The following DCC variants were observed in gnomAD, a reference collection of about 807,000 sequenced individuals.
DCC encodes the protein DCC netrin 1 receptor.
Under a neutral mutation model 172.5 loss-of-function variants are expected in DCC, and 58 were observed. That is an observed-to-expected ratio of 0.34 (90% confidence interval 0.27 to 0.42). The LOEUF is 0.42. Ranked by LOEUF, DCC falls within the 10% of genes least tolerant of loss-of-function variation. The probability of loss-of-function intolerance (pLI) is 1.00; values close to 1 mark genes in which losing one functional copy is unlikely to be tolerated. For synonymous variants in DCC, 709 were observed against 644.5 expected (o/e 1.10, Z -1.52); for missense variants, 1,740 against 1,791.0 (o/e 0.97, Z 0.51).
chr18:52,460,847 TTGCTC>T (rs1362661265), intron 1 of DCC, among the ~76,000 whole-genome samples: 1 of 152,134 alleles, frequency 6.6e-6, no homozygotes, highest in Non-Finnish European at 1.5e-5. Context: ...GGACTGGAAA[TTGCTC>T]TGGGTGAGTC....
chr18:52,370,660 C>A (rs1446298868), intron 1 of DCC, among the ~76,000 whole-genome samples: 2 of 152,078 alleles, frequency 1.3e-5, no homozygotes, highest in Non-Finnish European at 2.9e-5. Flanking sequence ...ACCACCACGA[C>A]ACACATTTAC....
At chr18:52,850,377 C>T (rs1238906046) in intron 2 of DCC, among the ~76,000 whole-genome samples, 1 of 152,106 alleles carries the variant, frequency 6.6e-6, no homozygotes, top group Non-Finnish European at 1.5e-5. Flanking sequence ...GCATTGAAGT[C>T]TCTCCCCCAA....
At chr18:53,492,947 C>G (rs542554696) in intron 26 of DCC, among the ~76,000 whole-genome samples, 4 of 152,284 alleles carry the variant, frequency 2.6e-5, no homozygotes, top group East Asian at 1.9e-4. Context: ...TTCTTCCTAT[C>G]TATGAGCATG....
At chr18:52,931,488 C>A (rs1285373485) in intron 5 of DCC, among the ~76,000 whole-genome samples, 2 of 152,022 alleles carry the variant, frequency 1.3e-5, no homozygotes, top group Non-Finnish European at 2.9e-5. Context: ...TGAATGTGAA[C>A]CTTCATGAAC....
intron 2 of DCC, among the ~76,000 whole-genome samples, chr18:52,781,224 C>A (rs1167182553): frequency 2.6e-5 from 4 of 152,048 alleles, no homozygotes; most frequent in Non-Finnish European, 1.5e-5. Flanking sequence ...ATTCCTTCCC[C>A]GCAACCCCTG....
chr18:52,659,063 C>T (rs1249646949), intron 1 of DCC, among the ~76,000 whole-genome samples: 1 of 152,022 alleles, frequency 6.6e-6, no homozygotes, highest in African/African-American at 2.4e-5. Context: ...GGCAACCATC[C>T]ACTTTTGATA....
chr18:52,460,257 C>T (rs1233137852), intron 1 of DCC, among the ~76,000 whole-genome samples: 1 of 152,046 alleles, frequency 6.6e-6, no homozygotes, highest in Non-Finnish European at 1.5e-5. Context: ...AGGCTTTGCC[C>T]CTTTCTCTGC....
chr18:52,778,408 T>C (rs748886635), intron 2 of DCC, among the ~76,000 whole-genome samples: 1 of 152,186 alleles, frequency 6.6e-6, no homozygotes, highest in African/African-American at 2.4e-5. Context: ...TATTTCACTA[T>C]TAAACTCTGT....
At chr18:52,655,210 G>A (rs2035222554) in intron 1 of DCC, among the ~76,000 whole-genome samples, 1 of 152,098 alleles carries the variant, frequency 6.6e-6, no homozygotes, top group African/African-American at 2.4e-5. Context: ...TGTTGTTGAT[G>A]AACAACGCAG....
At chr18:53,501,638 T>TTATGCTGTTAA (rs1295822041) in intron 27 of DCC, among the ~76,000 whole-genome samples, 1 of 152,148 alleles carries the variant, frequency 6.6e-6, no homozygotes, top group Non-Finnish European at 1.5e-5. Context: ...TTGCAGCAGT[T>TTATGCTGTTAA]TATGCTGTTA....
chr18:53,456,098 G>A (rs964772878), intron 23 of DCC, among the ~76,000 whole-genome samples: 13 of 152,160 alleles, frequency 8.5e-5, no homozygotes, highest in Non-Finnish European at 1.5e-4. Flanking sequence ...CAAGGTGAGT[G>A]GTACAGAGAG....
intron 1 of DCC, among the ~76,000 whole-genome samples, chr18:52,715,239 C>T (rs1394378533): frequency 6.7e-6 from 1 of 150,350 alleles, no homozygotes; most frequent in Admixed American, 6.6e-5. Flanking sequence ...TATATATCTG[C>T]TATCAGCAAA....
chr18:53,520,202 G>A (rs898380735), intron 27 of DCC, among the ~76,000 whole-genome samples: 10 of 152,182 alleles, frequency 6.6e-5, no homozygotes, highest in East Asian at 3.9e-4. Flanking sequence ...GGAACAGATC[G>A]GGGTTAGGAC....
chr18:52,616,604 C>T (rs1017915076), intron 1 of DCC, among the ~76,000 whole-genome samples: 3 of 152,028 alleles, frequency 2.0e-5, no homozygotes, highest in Admixed American at 1.3e-4. Context: ...TATCAATGAA[C>T]AAGTATTTAG....
chr18:53,311,419 G>T (rs1049829790), intron 13 of DCC, among the ~76,000 whole-genome samples: 1 of 152,042 alleles, frequency 6.6e-6, no homozygotes, highest in South Asian at 2.1e-4. Context: ...CACCGCACCC[G>T]GCCATACTGC....
At chr18:53,417,619 T>C (rs1910394878) in intron 21 of DCC, among the ~76,000 whole-genome samples, 1 of 152,100 alleles carries the variant, frequency 6.6e-6, no homozygotes, top group African/African-American at 2.4e-5. Context: ...CTTAAATAAA[T>C]TTGAAGCTTC....
intron 11 of DCC, among the ~76,000 whole-genome samples, chr18:53,212,975 C>T (rs1442487968): frequency 6.6e-6 from 1 of 151,980 alleles, no homozygotes; most frequent in Non-Finnish European, 1.5e-5. Context: ...CCCAGCCTGC[C>T]TTTCAATTCT....
intron 12 of DCC, among the ~76,000 whole-genome samples, chr18:53,286,431 C>G (rs1176738741): frequency 6.6e-6 from 1 of 152,124 alleles, no homozygotes; most frequent in East Asian, 1.9e-4. Flanking sequence ...GAGATATGTG[C>G]CTTTCACCTT....
chr18:53,492,816 G>T (rs191897300), intron 26 of DCC, among the ~76,000 whole-genome samples: 6 of 152,022 alleles, frequency 3.9e-5, no homozygotes, highest in Admixed American at 3.9e-4. Context: ...CTCTTTTCTC[G>T]TTCCATATGA....
Sources: gnomAD v4.1 joint callset for allele counts (sites outside exome capture counted in the v4.1 genomes callset) on GRCh38, gnomAD v4.1.1 for gene constraint, MANE v1.5 for transcripts, NCBI Gene and HGNC (gene_info 2026-07-23, HGNC 2026-07-21) for gene names.